DENND5B: variants seen among roughly 807,000 people sequenced by gnomAD.
DENND5B encodes DENN domain containing 5B.
In DENND5B, 34 loss-of-function variants were observed where a neutral mutation model predicts 140.6. That is an observed-to-expected ratio of 0.24 (90% CI 0.18 to 0.32). The LOEUF is 0.32. Ranked by LOEUF, DENND5B falls within the 10% of genes least tolerant of loss-of-function variation. The pLI, the probability that DENND5B is intolerant of heterozygous loss-of-function variation, is 1.00. For missense variants in DENND5B, 1,142 were observed against 1,560.2 expected (o/e 0.73, Z 4.52); for synonymous variants, 551 against 562.1 (o/e 0.98, Z 0.28).
At chr12:31,446,307 C>A (rs1944273955) in intron 6 of DENND5B, among the ~76,000 whole-genome samples, 1 of 151,954 alleles carries the variant, frequency 6.6e-6, no homozygotes, top group Non-Finnish European at 1.5e-5. Flanking sequence ...TGACACCACA[C>A]CTGGCTAATT....
chr12:31,469,376 A>C (rs1945437317), intron 3 of DENND5B, among the ~76,000 whole-genome samples: 1 of 151,394 alleles, frequency 6.6e-6, no homozygotes, highest in Non-Finnish European at 1.5e-5. Context: ...AGAAATATAG[A>C]GGAGCTTCTG....
At chr12:31,431,564 G>A (rs943419958) in intron 8 of DENND5B, among the ~76,000 whole-genome samples, 3 of 152,072 alleles carry the variant, frequency 2.0e-5, no homozygotes, top group African/African-American at 7.2e-5. Flanking sequence ...ATTCCTCTTG[G>A]CACTGAGATT....
chr12:31,495,567 C>T (rs1007942813), intron 2 of DENND5B, among the ~76,000 whole-genome samples: 3 of 151,598 alleles, frequency 2.0e-5, no homozygotes, highest in African/African-American at 2.4e-5. Flanking sequence ...TTAGTAGAGA[C>T]GGGGTTTCAC....
chr12:31,546,057 G>GGC (rs1029190832), intron 1 of DENND5B, among the ~76,000 whole-genome samples: 1 of 151,128 alleles, frequency 6.6e-6, no homozygotes, highest in African/African-American at 2.4e-5. Context: ...AACACTGTAT[G>GGC]GCTAGTGTTT....
chr12:31,394,738 C>G (rs1941341530), intron 17 of DENND5B, among the ~76,000 whole-genome samples: 1 of 151,966 alleles, frequency 6.6e-6, no homozygotes, highest in Admixed American at 6.6e-5. Flanking sequence ...CTCAGCCTCC[C>G]GAGTAGCTGG....
chr12:31,444,079 A>G (rs1478479782), intron 6 of DENND5B: 2 of 152,200 alleles, frequency 1.3e-5, no homozygotes, highest in East Asian at 3.8e-4. Context: ...AAGAGAAAAT[A>G]TATTTTAGAA....
At chr12:31,475,794 A>G (rs1449731107) in intron 3 of DENND5B, among the ~76,000 whole-genome samples, 1 of 152,062 alleles carries the variant, frequency 6.6e-6, no homozygotes, top group Non-Finnish European at 1.5e-5. Flanking sequence ...AGCTCAGGAC[A>G]GACCACAAAC....
intron 1 of DENND5B, among the ~76,000 whole-genome samples, chr12:31,536,971 T>A (rs1013828234): frequency 6.6e-6 from 1 of 152,092 alleles, no homozygotes; most frequent in African/African-American, 2.4e-5. Flanking sequence ...CAGAATAATT[T>A]ATCTGGCTAA....
At chr12:31,418,830 G>A (rs1942890601) in intron 11 of DENND5B, among the ~76,000 whole-genome samples, 1 of 150,794 alleles carries the variant, frequency 6.6e-6, no homozygotes, top group Non-Finnish European at 1.5e-5. Context: ...ATAGAGATGG[G>A]GGTCTCACTA....
intron 1 of DENND5B, among the ~76,000 whole-genome samples, chr12:31,546,249 GTTAT>G (rs1040398426): frequency 6.6e-6 from 1 of 151,962 alleles, no homozygotes; most frequent in African/African-American, 2.4e-5. Flanking sequence ...ATTTCAAAAT[GTTAT>G]TTATTAAGCA....
At chr12:31,484,743 G>A (rs1946221350) in intron 2 of DENND5B, among the ~76,000 whole-genome samples, 1 of 152,190 alleles carries the variant, frequency 6.6e-6, no homozygotes, top group African/African-American at 2.4e-5. Context: ...GGAGGTTGCA[G>A]TGAGCCGAGA....
intron 2 of DENND5B, among the ~76,000 whole-genome samples, chr12:31,495,541 G>C (rs1946730908): frequency 1.3e-5 from 2 of 151,858 alleles, no homozygotes; most frequent in Admixed American, 1.3e-4. Flanking sequence ...ACCACACCTG[G>C]CCAATTTTTG....
chr12:31,457,971 C>T (rs1485309920), intron 4 of DENND5B, among the ~76,000 whole-genome samples: 1 of 152,162 alleles, frequency 6.6e-6, no homozygotes, highest in African/African-American at 2.4e-5. Flanking sequence ...GCCTCAGCCT[C>T]CCAAAGTGCT....
chr12:31,473,383 T>C lies in DENND5B; in HGVS notation c.904+6206A>G, dbSNP rs1945646953. 2.0e-5 allele frequency among the ~76,000 whole-genome samples: 3 copies of C among 152,182 alleles called. No homozygotes were observed. In the South Asian group the frequency reaches 6.2e-4, roughly 32 times the overall value. ...ATGTTTTATGGGAGTGGATCTTAGG[T>C]TTGACTGTTTCACCCCATTTCTCCT... On this transcript the variant is annotated intron_variant, in intron 3 of 20. Coordinates refer to ENST00000389082, the MANE Select transcript of DENND5B (RefSeq NM_144973.4).
At chr12:31,519,675 A>ACT (rs1343963760) in intron 1 of DENND5B, among the ~76,000 whole-genome samples, 3 of 152,208 alleles carry the variant, frequency 2.0e-5, no homozygotes, top group African/African-American at 7.2e-5. Context: ...TGATCACTGT[A>ACT]GTTCTTGAAC....
At chr12:31,435,269 T>G (rs1015623416) in intron 7 of DENND5B, among the ~76,000 whole-genome samples, 7 of 152,328 alleles carry the variant, frequency 4.6e-5, no homozygotes, top group Middle Eastern at 3.4e-3. Flanking sequence ...CAGGTACCCT[T>G]GCCTCCTTCT....
At chr12:31,545,287 A>T (rs895247211) in intron 1 of DENND5B, among the ~76,000 whole-genome samples, 1 of 152,090 alleles carries the variant, frequency 6.6e-6, no homozygotes, top group Non-Finnish European at 1.5e-5. Context: ...CAGGTTTGCT[A>T]TTTGGGTATA....
At chr12:31,415,822 T>C (rs1942708162) in intron 11 of DENND5B, among the ~76,000 whole-genome samples, 1 of 152,012 alleles carries the variant, frequency 6.6e-6, no homozygotes, top group Non-Finnish European at 1.5e-5. Flanking sequence ...ATTAACACAG[T>C]AAATCAGCTA....
chr12:31,586,274 A>G (rs1313047292), intron 1 of DENND5B, among the ~76,000 whole-genome samples: 2 of 152,194 alleles, frequency 1.3e-5, no homozygotes, highest in East Asian at 3.8e-4. Flanking sequence ...GCAATAAAGA[A>G]TCTCGTTTTG....
Sources: allele counts gnomAD v4.1 joint callset (sites outside exome capture counted in the v4.1 genomes callset), GRCh38; gene constraint gnomAD v4.1.1; transcripts MANE v1.5; gene names NCBI Gene and HGNC (gene_info 2026-07-23, HGNC 2026-07-21).